Variants in MACF1 observed in about 807,000 individuals in gnomAD.
MACF1 encodes microtubule actin crosslinking factor 1.
MACF1 carries 193 observed loss-of-function variants against 854.8 expected under a neutral mutation model. The observed-to-expected ratio is 0.23, with a 90% CI of 0.20 to 0.25. MACF1 has a LOEUF of 0.25. MACF1 is among the 10% of genes least tolerant of loss of function. The probability of loss-of-function intolerance (pLI) is 1.00; values close to 1 mark genes in which losing one functional copy is unlikely to be tolerated. For missense variants in MACF1, 7,722 were observed against 8,929.1 expected (o/e 0.86, Z 5.45); for synonymous variants, 3,185 against 3,226.7 (o/e 0.99, Z 0.44).
chr1:39,277,756 GTAT>G (rs1237553334), intron 6 of MACF1, among the ~76,000 whole-genome samples: 1 of 152,154 alleles, frequency 6.6e-6, no homozygotes, highest in Non-Finnish European at 1.5e-5. Flanking sequence ...TGATCTCTTT[GTAT>G]AGTAAATTGT....
rs528618970 is a variant in MACF1 at position 39,334,813 on chromosome 1, T to C, written c.8225T>C (p.Leu2742Ser). 18 of 1,614,166 alleles carry C rather than the reference T, an allele frequency of 1.1e-5. No homozygotes were observed. In the South Asian group the frequency reaches 1.5e-4, roughly 14 times the overall value. ...VDIFSDQRVTLVEAIEKRLIS... is the reference protein window; with the variant it reads ...VDIFSDQRVTSVEAIEKRLIS... ...ATATTTAGTGATCAGAGAGTGACTT[T>C]AGTAGAAGCTATTGAGAAAAGACTG... Residue 2742 changes from leucine (L) to serine (S), a missense_variant, in exon 37 of 101, where the codon TTA becomes TCA. Physicochemically the swap from Leu to Ser is moderately radical, Grantham distance 145 (BLOSUM62 -2). Around this residue, in one of 15 missense-constraint regions of MACF1, gnomAD observed 1,531 missense variants for 1,601.6 expected, o/e 0.96. Coordinates refer to ENST00000564288, the MANE Select transcript of MACF1 (RefSeq NM_001394062.1).
chr1:39,102,965 C>G (rs1011614396), intron 2 of MACF1: 20 of 701,178 alleles, frequency 2.9e-5, no homozygotes, highest in Non-Finnish European at 4.7e-5. Flanking sequence ...CTGTATAAAA[C>G]AGGAACATCA....
In MACF1 at chr1:39,333,649, T is replaced by G; in HGVS notation, c.7061T>G (p.Leu2354Arg). The G allele has an allele frequency of 6.2e-7, 1 of 1,614,220 alleles. No individual in the cohort carries two copies. Among genetic ancestry groups the G allele is most frequent in the Non-Finnish European group, 8.5e-7 (1 of 1,180,030 alleles). The change falls in exon 37 of 101, where the codon CTG (leucine) becomes CGG (arginine). Residue 2354 changes from leucine (L) to arginine (R), a missense_variant. Physicochemically the swap from Leu to Arg is moderately radical, Grantham distance 102. This residue lies in a region of MACF1 where 1,531 missense variants were observed against 1,601.6 expected (regional missense o/e 0.96). Coordinates refer to ENST00000564288, the MANE Select transcript of MACF1 (RefSeq NM_001394062.1). ...ACTGAAGAAGTCATTAATGAAGGTCTGATGGATGAGAAATTATTACATAAT... is the reference window on the plus strand; with the variant it reads ...ACTGAAGAAGTCATTAATGAAGGTCGGATGGATGAGAAATTATTACATAAT... Reference protein sequence around the residue: ...LTTEEVINEGLMDEKLLHNVL... With the variant: ...LTTEEVINEGRMDEKLLHNVL...
intron 58 of MACF1, among the ~76,000 whole-genome samples, chr1:39,406,738 CAAAA>C (rs5773658): frequency 6.3e-5 from 2 of 31,836 alleles, no homozygotes; most frequent in African/African-American, 1.5e-4. Context: ...GAGTCTCACT[CAAAA>C]AAAAAAAAAA....
rs572554821 is a variant in MACF1, at chr1:39,435,833, T to C, written c.17988+72T>C. 9.4e-6 allele frequency: 13 copies of C among 1,377,910 alleles called. No homozygotes were observed. The African/African-American group carries it at 1.7e-4, about 18-fold the overall frequency. The allele number at this position is 1,377,910 out of a possible 1,614,324, so 85.4% of individuals were successfully genotyped here. A position where few individuals can be genotyped will look rare whatever the true frequency, so the allele number is the denominator to read the frequency against. On this transcript the variant is annotated intron_variant, in intron 70 of 100. Coordinates refer to ENST00000564288, the MANE Select transcript of MACF1 (RefSeq NM_001394062.1). The stretch of plus-strand genomic sequence containing the variant: ...AAACAAGAGGTCTCTGTATCAGGTA[T>C]GTCTCTGTGCTCAGGAATGTCCAGA...
At chr1:39,239,018 A>G (rs1644890968) in intron 2 of MACF1, among the ~76,000 whole-genome samples, 1 of 152,200 alleles carries the variant, frequency 6.6e-6, no homozygotes, top group Non-Finnish European at 1.5e-5. Context: ...ATGGTGGTTC[A>G]TGCCTGTAAT....
chr1:39,319,079 G>A (rs1646465716), intron 30 of MACF1, among the ~76,000 whole-genome samples: 1 of 151,842 alleles, frequency 6.6e-6, no homozygotes, highest in Non-Finnish European at 1.5e-5. Flanking sequence ...GTATTGCCTG[G>A]ATTCCAATTC....
chr1:39,194,360 T>G, intron 2 of MACF1, among the ~76,000 whole-genome samples: 1 of 139,592 alleles, frequency 7.2e-6, no homozygotes, highest in East Asian at 2.1e-4. Flanking sequence ...TCTTTTTTTT[T>G]TTTTTTTTTT....
At position 39,334,014 on chromosome 1, in the gene MACF1, G is replaced by C; in HGVS notation, c.7426G>C (p.Ala2476Pro). 9 of 1,614,168 alleles carry C rather than the reference G, an allele frequency of 5.6e-6. No homozygotes were observed. The highest frequency in any genetic ancestry group is 7.6e-6 in the Non-Finnish European group (9 of 1,180,022). Residue 2476 changes from alanine (A) to proline (P), a missense_variant, in exon 37 of 101, where the codon GCA becomes CCA. Ala to Pro is a conservative substitution (Grantham distance 27). Around this residue, in one of 15 missense-constraint regions of MACF1, gnomAD observed 1,531 missense variants for 1,601.6 expected, o/e 0.96. Coordinates refer to ENST00000564288, the MANE Select transcript of MACF1 (RefSeq NM_001394062.1). ...TTGLIDPDSK[A>P]PLTVVQSIDR... The stretch of plus-strand genomic sequence containing the variant: ...AGGACTTATAGACCCTGATAGTAAA[G>C]CACCTTTAACAGTTGTGCAGTCCAT...
intron 66 of MACF1, among the ~76,000 whole-genome samples, chr1:39,431,905 G>T (rs1643881450): frequency 6.6e-6 from 1 of 152,220 alleles, no homozygotes; most frequent in African/African-American, 2.4e-5. Context: ...GCGCCTAGGA[G>T]TTAGAGCCTG....
intron 2 of MACF1, among the ~76,000 whole-genome samples, chr1:39,244,724 G>A (rs1463803269): frequency 1.3e-5 from 2 of 152,022 alleles, no homozygotes; most frequent in Admixed American, 6.6e-5. Context: ...GATTATAGGC[G>A]TGTGCCACCA....
At chr1:39,423,991 G>T in intron 60 of MACF1, 37 bp from the exon 61 acceptor site, 2 of 1,519,008 alleles carry the variant, frequency 1.3e-6, no homozygotes, top group South Asian at 1.2e-5. Context: ...ATTTCAAAAT[G>T]ATCCTGTGTT....
chr1:39,269,306 G>C, intron 6 of MACF1: 1 of 1,289,856 alleles, frequency 7.8e-7, no homozygotes, highest in African/African-American at 1.5e-5. Flanking sequence ...CTTTGCCTAG[G>C]ACAGACTACC....
intron 1 of MACF1, among the ~76,000 whole-genome samples, chr1:39,221,858 T>C (rs1266855741): frequency 6.6e-6 from 1 of 152,184 alleles, no homozygotes; most frequent in Non-Finnish European, 1.5e-5. Context: ...TAATGTGGCC[T>C]TCAGTCCAAA....
chr1:39,309,351 G>A (rs1646253253), intron 23 of MACF1, among the ~76,000 whole-genome samples: 1 of 151,762 alleles, frequency 6.6e-6, no homozygotes, highest in South Asian at 2.1e-4. Flanking sequence ...TCCCACCTTG[G>A]CCTCCAAAAG....
At chr1:39,314,875 G>A (rs1176865966) in intron 26 of MACF1, among the ~76,000 whole-genome samples, 1 of 152,142 alleles carries the variant, frequency 6.6e-6, no homozygotes, top group Non-Finnish European at 1.5e-5. Context: ...TATATCTATA[G>A]TTCGAATACT....
chr1:39,367,926 C>T (rs1157998566), intron 49 of MACF1, among the ~76,000 whole-genome samples: 6 of 150,530 alleles, frequency 4.0e-5, no homozygotes, highest in African/African-American at 1.2e-4. Context: ...GCCAAGATAC[C>T]GCCATTGTAC....
Position 39,388,019 on chromosome 1 carries a change from G to T in MACF1, c.15177G>T (p.Leu5059=). 6.2e-7 allele frequency: 1 copy of T among 1,614,166 alleles called. No homozygotes were observed. The highest frequency in any genetic ancestry group is 8.5e-7 in the Non-Finnish European group (1 of 1,180,030). ...LEKLRAQQEV[L]QALEPQVDYL... ...AGCTAAGAGCTCAACAGGAAGTGCT[G>T]CAGGCCCTAGAGCCTCAGGTAGACT... is the stretch of plus-strand genomic sequence containing the variant. The change falls in exon 58 of 101, where the codon CTG becomes CTT. Residue 5059 remains leucine, a synonymous_variant. Transcript: ENST00000564288.
At chr1:39,462,080 G>A (rs1644566046) in intron 93 of MACF1, 43 bp downstream of exon 93, 2 of 1,597,988 alleles carry the variant, frequency 1.3e-6, no homozygotes, top group Non-Finnish European at 1.7e-6. Context: ...CTGGCTGTAG[G>A]TTTGTAATAT....
Sources: allele counts gnomAD v4.1 joint callset (sites outside exome capture counted in the v4.1 genomes callset), GRCh38; gene constraint gnomAD v4.1.1; regional missense constraint gnomAD v4.1.1; transcripts MANE v1.5; gene names NCBI Gene and HGNC (gene_info 2026-07-23, HGNC 2026-07-21).